Variants in DYNC2I1 observed in about 807,000 individuals in gnomAD.
DYNC2I1 encodes cytoplasmic dynein 2 intermediate chain 1.
In DYNC2I1, 89 loss-of-function variants were observed where a neutral mutation model predicts 133.4. That is an observed-to-expected ratio of 0.67 (90% CI 0.56 to 0.80). The LOEUF is 0.80. DYNC2I1 is among the 30% of genes least tolerant of loss of function. DYNC2I1 has a pLI of 0.00. For synonymous variants in DYNC2I1, 504 were observed against 484.3 expected (o/e 1.04, Z -0.54); for missense variants, 1,291 against 1,314.5 (o/e 0.98, Z 0.28).
chr7:158,909,330 CAAAAAAAAAAA>C (rs66565045), intron 11 of DYNC2I1, among the ~76,000 whole-genome samples: 2 of 46,748 alleles, frequency 4.3e-5, no homozygotes, highest in South Asian at 1.8e-3. Context: ...GACTCTGTCT[CAAAAAAAAAAA>C]AAAAAAAAAA....
At chr7:158,878,752 G>A (rs191198414) in intron 4 of DYNC2I1, among the ~76,000 whole-genome samples, 73 of 138,900 alleles carry the variant, frequency 5.3e-4, no homozygotes, top group Admixed American at 1.6e-3. Context: ...GGTGCCATGT[G>A]GGGAGGCGAG....
intron 17 of DYNC2I1, among the ~76,000 whole-genome samples, chr7:158,924,775 G>A (rs976614799): frequency 2.7e-5 from 4 of 148,490 alleles, no homozygotes; most frequent in African/African-American, 9.9e-5. Flanking sequence ...TTTTTTTTGA[G>A]ATGTGGTCTG....
intron 1 of DYNC2I1, among the ~76,000 whole-genome samples, chr7:158,860,874 A>G (rs538983631): frequency 6.6e-6 from 1 of 152,304 alleles, no homozygotes; most frequent in East Asian, 1.9e-4. Flanking sequence ...CTGTTTTTAG[A>G]AAGGCTGAAT....
chr7:158,884,631 A>G lies in DYNC2I1; in HGVS notation c.935+12A>G, dbSNP rs2129480020. 1.9e-6 allele frequency: 3 copies of G among 1,613,040 alleles called. No individual in the cohort carries two copies. The highest frequency in any genetic ancestry group is 2.2e-5 in the South Asian group (2 of 90,768). ...GGGACCAGCAGCCAGTAAGGATTGC[A>G]TGCCCTGTGGTCGACCTTTACGTGT... On this transcript the variant is annotated intron_variant, in intron 6 of 24. Transcript: ENST00000407559.
chr7:158,942,195 G>A (rs758910554), intron 24 of DYNC2I1, 47 bp downstream of exon 24: 23 of 1,435,924 alleles, frequency 1.6e-5, no homozygotes, highest in African/African-American at 1.0e-4. Flanking sequence ...GGGGGGCTTC[G>A]GCCACGGGTG....
intron 20 of DYNC2I1, among the ~76,000 whole-genome samples, chr7:158,929,612 T>A (rs764845049): frequency 6.6e-6 from 1 of 152,240 alleles, no homozygotes; most frequent in Non-Finnish European, 1.5e-5. Context: ...TCACTGTGGT[T>A]GTGACTGGCA....
chr7:158,911,181 T>G (rs914461964), intron 11 of DYNC2I1, among the ~76,000 whole-genome samples: 7 of 152,218 alleles, frequency 4.6e-5, no homozygotes. Context: ...GATTGCATAG[T>G]CAGTATGTCA....
intron 8 of DYNC2I1, among the ~76,000 whole-genome samples, chr7:158,893,554 G>A (rs1371659512): frequency 6.6e-6 from 1 of 152,176 alleles, no homozygotes; most frequent in East Asian, 1.9e-4. Context: ...GCACACTGTA[G>A]AGTATTGGTT....
chr7:158,939,309 A>G (rs1040628391), intron 23 of DYNC2I1, among the ~76,000 whole-genome samples: 3 of 152,056 alleles, frequency 2.0e-5, no homozygotes, highest in African/African-American at 4.8e-5. Flanking sequence ...AGTGGTGCCC[A>G]TGCCCACCTG....
At chr7:158,927,376 C>G (rs921950889) in intron 20 of DYNC2I1, among the ~76,000 whole-genome samples, 21 of 149,926 alleles carry the variant, frequency 1.4e-4, no homozygotes, top group Non-Finnish European at 2.9e-4. Flanking sequence ...ACACTCCAGC[C>G]TGGGTGATGG....
the DYNC2I1 span, among the ~76,000 whole-genome samples, chr7:158,841,194 TATATATATATATATATATATATA>T: frequency 1.1e-5 from 1 of 92,130 alleles, no homozygotes; most frequent in African/African-American, 5.7e-5. Context: ...TATATATATA[TATATATATATATATATATATATA>T]TATATTTTAG....
chr7:158,890,560 C>T (rs1585050388), intron 7 of DYNC2I1, among the ~76,000 whole-genome samples: 1 of 151,986 alleles, frequency 6.6e-6, no homozygotes, highest in South Asian at 2.1e-4. Flanking sequence ...TTTATACTGT[C>T]ACCAGTTTTA....
At chr7:158,943,009 A>T (rs1304467389) in intron 24 of DYNC2I1, among the ~76,000 whole-genome samples, 1 of 151,734 alleles carries the variant, frequency 6.6e-6, no homozygotes, top group Non-Finnish European at 1.5e-5. Context: ...TTTTCTTGAG[A>T]TTTTTACATT....
the DYNC2I1 span, among the ~76,000 whole-genome samples, chr7:158,846,869 G>C: frequency 1.3e-5 from 2 of 152,170 alleles, no homozygotes; most frequent in Non-Finnish European, 2.9e-5. Flanking sequence ...AGGTAAAGGA[G>C]AGAATATTTG....
chr7:158,893,689 C>A (rs1013208232), intron 8 of DYNC2I1, among the ~76,000 whole-genome samples: 7 of 151,952 alleles, frequency 4.6e-5, no homozygotes, highest in Non-Finnish European at 7.4e-5. Context: ...TATCATAGTG[C>A]ATATCCTACT....
At chr7:158,941,788 GGATT>G in intron 23 of DYNC2I1, 133 bp from the exon 24 acceptor site, 1 of 914,612 alleles carries the variant, frequency 1.1e-6, no homozygotes, top group Non-Finnish European at 1.7e-6. Context: ...CGAGGCAGGA[GGATT>G]GATTGAGCCC....
At chr7:158,899,593 C>A (rs1290622606) in intron 8 of DYNC2I1, among the ~76,000 whole-genome samples, 2 of 152,162 alleles carry the variant, frequency 1.3e-5, no homozygotes, top group Admixed American at 6.5e-5. Flanking sequence ...TCCCAGAATT[C>A]CCACATGTTG....
downstream of DYNC2I1, among the ~76,000 whole-genome samples, chr7:158,948,710 C>T (rs1243929184): frequency 6.6e-6 from 1 of 152,128 alleles, no homozygotes; most frequent in Non-Finnish European, 1.5e-5. Context: ...CTCAATGACC[C>T]CACACCCCCC....
chr7:158,958,257 G>A (rs928514672), downstream of DYNC2I1, among the ~76,000 whole-genome samples: 1 of 152,262 alleles, frequency 6.6e-6, no homozygotes, highest in Non-Finnish European at 1.5e-5. Context: ...TGTCAAAGCA[G>A]CAAAGCCGTG....
Sources: allele counts gnomAD v4.1 joint callset (sites outside exome capture counted in the v4.1 genomes callset), GRCh38; gene constraint gnomAD v4.1.1; transcripts MANE v1.5; gene names NCBI Gene and HGNC (gene_info 2026-07-23, HGNC 2026-07-21).